Variants in CXCL13 observed in about 807,000 individuals in gnomAD.
CXCL13 encodes C-X-C motif chemokine ligand 13.
Under a neutral mutation model 12.2 loss-of-function variants are expected in CXCL13, and 7 were observed. That is an observed-to-expected ratio of 0.57 (90% CI 0.33 to 1.07). The LOEUF (loss-of-function observed/expected upper bound fraction) is 1.07. CXCL13 is among the 50% of genes least tolerant of loss of function. The pLI is 0.04. For synonymous variants in CXCL13, 47 were observed against 42.4 expected (o/e 1.11, Z -0.42); for missense variants, 113 against 127.4 (o/e 0.89, Z 0.55).
At chr4:77,600,884 C>A (rs890997794), upstream of CXCL13, among the ~76,000 whole-genome samples, 5 of 152,132 alleles carry the variant, frequency 3.3e-5, no homozygotes, top group East Asian at 5.8e-4. Context: ...ATGAATATTT[C>A]AGCCTAATCA....
chr4:77,608,708 A>G (rs1440079924), intron 2 of CXCL13, among the ~76,000 whole-genome samples: 7 of 152,210 alleles, frequency 4.6e-5, no homozygotes, highest in African/African-American at 1.7e-4. Flanking sequence ...TCAAAAGTGC[A>G]TATGGTAGTT....
At chr4:77,553,777 G>A (rs1725590019) in intron 1 of CXCL13, among the ~76,000 whole-genome samples, 1 of 152,050 alleles carries the variant, frequency 6.6e-6, no homozygotes, top group African/African-American at 2.4e-5. Context: ...GAGTGGATGA[G>A]GCATGCTGAA....
At position 77,594,644 on chromosome 4, in the gene CXCL13, G is replaced by C. The variant is rs955365242; in HGVS notation, c.-42-11180G>C. Among the ~76,000 whole-genome samples the C allele has an allele frequency of 6.6e-5, 10 of 152,286 alleles. No individual in the cohort carries two copies. In the East Asian group the frequency reaches 1.9e-3, roughly 29 times the overall value. On this transcript the variant is annotated intron_variant, in intron 1 of 4. Transcript: ENST00000286758. The stretch of plus-strand genomic sequence containing the variant: ...TACTGATGCCAGTGAGGGCCATGGG[G>C]CTCATCTTTCCCAGGTCCACATTCA...
chr4:77,568,346 A>G (rs147239914), intron 1 of CXCL13, among the ~76,000 whole-genome samples: 309 of 152,314 alleles, frequency 2.0e-3, no homozygotes, highest in Admixed American at 3.4e-3. Flanking sequence ...TGGGTGCCCC[A>G]TAGCAGCACA....
At chr4:77,540,744 T>G (rs1725189239) in intron 1 of CXCL13, among the ~76,000 whole-genome samples, 1 of 152,190 alleles carries the variant, frequency 6.6e-6, no homozygotes, top group South Asian at 2.1e-4. Flanking sequence ...TGCGTGTGGT[T>G]TTTTGGTATA....
At chr4:77,591,035 C>T (rs1726593752) in intron 1 of CXCL13, among the ~76,000 whole-genome samples, 1 of 152,170 alleles carries the variant, frequency 6.6e-6, no homozygotes, top group Admixed American at 6.5e-5. Flanking sequence ...ATGCACTCCA[C>T]ACCCAGATAA....
chr4:77,528,585 A>G (rs1383580846), intron 1 of CXCL13, among the ~76,000 whole-genome samples: 1 of 152,208 alleles, frequency 6.6e-6, no homozygotes, highest in East Asian at 1.9e-4. Flanking sequence ...TCTTTTGAGA[A>G]GTGTCTGTTC....
chr4:77,512,517 G>A (rs2110075652), intron 1 of CXCL13, among the ~76,000 whole-genome samples: 1 of 152,218 alleles, frequency 6.6e-6, no homozygotes, highest in African/African-American at 2.4e-5. Context: ...TCTTTGGCTT[G>A]TAAATGGCTG....
At chr4:77,563,113 T>C (rs929842282) in intron 1 of CXCL13, among the ~76,000 whole-genome samples, 13 of 152,242 alleles carry the variant, frequency 8.5e-5, no homozygotes, top group African/African-American at 2.9e-4. Context: ...CCAGTGAGAC[T>C]AGAAACCCAC....
intron 1 of CXCL13, among the ~76,000 whole-genome samples, chr4:77,521,960 G>A (rs922791900): frequency 4.6e-5 from 7 of 152,006 alleles, no homozygotes; most frequent in Non-Finnish European, 8.8e-5. Context: ...CCTTCATTTT[G>A]TTATTTACCC....
chr4:77,558,263 G>A (rs917698616), intron 1 of CXCL13, among the ~76,000 whole-genome samples: 2 of 152,250 alleles, frequency 1.3e-5, no homozygotes, highest in African/African-American at 4.8e-5. Flanking sequence ...CCTTGATCCT[G>A]AGATGGGCAC....
At chr4:77,544,493 A>G (rs1043352726) in intron 1 of CXCL13, among the ~76,000 whole-genome samples, 4 of 152,106 alleles carry the variant, frequency 2.6e-5, no homozygotes, top group South Asian at 2.1e-4. Flanking sequence ...TTCTCTGATG[A>G]CCAGTGATGA....
At chr4:77,578,606 G>A (rs1452793331) in intron 1 of CXCL13, among the ~76,000 whole-genome samples, 2 of 152,084 alleles carry the variant, frequency 1.3e-5, no homozygotes, top group Non-Finnish European at 2.9e-5. Context: ...GTGGTGGCCT[G>A]GAATCAATCT....
intron 1 of CXCL13, among the ~76,000 whole-genome samples, chr4:77,514,486 A>G (rs1243365135): frequency 3.5e-5 from 5 of 144,794 alleles, no homozygotes; most frequent in African/African-American, 1.3e-4. Flanking sequence ...TGACTTTTTA[A>G]TGATTGCCAT....
rs1437220965 is a variant in CXCL13, at chr4:77,571,688, TG to T, written c.-42-34132del. Among the ~76,000 whole-genome samples, 6 of 151,854 alleles carry T rather than the reference TG, an allele frequency of 4.0e-5. No individual in the cohort carries two copies. The East Asian group carries it at 1.2e-3, about 29-fold the overall frequency. On this transcript the variant is annotated intron_variant, in intron 1 of 4. Transcript: ENST00000286758. ...GCTCTACCAATCAGCAGGATGTGGG[TG>T]GGGCCAGATAAGAGAATAAAAGCAG...
At chr4:77,534,518 G>A (rs899512214) in intron 1 of CXCL13, among the ~76,000 whole-genome samples, 2 of 152,222 alleles carry the variant, frequency 1.3e-5, no homozygotes, top group East Asian at 1.9e-4. Flanking sequence ...TTCCACTTAT[G>A]TGTCATTGGG....
At position 77,611,068 on chromosome 4, in the gene CXCL13, A is replaced by G; in HGVS notation, c.*29A>G. 2 of 1,571,256 alleles carry G rather than the reference A, an allele frequency of 1.3e-6. No individual in the cohort carries two copies. Among genetic ancestry groups the G allele is most frequent in the African/African-American group, 2.7e-5 (2 of 74,194 alleles). On this transcript the variant is annotated 3_prime_UTR_variant, in exon 4 of 4. Coordinates refer to ENST00000682537, the MANE Select transcript of CXCL13 (RefSeq NM_001371558.1). Reference sequence around the variant, plus strand: ...TGATATTTCCACTAAGAACACCTGCATTCTTCCCTTATCCCTGCTCTGGAT... The same window carrying G: ...TGATATTTCCACTAAGAACACCTGCGTTCTTCCCTTATCCCTGCTCTGGAT...
intron 1 of CXCL13, among the ~76,000 whole-genome samples, chr4:77,529,903 G>A (rs949448755): frequency 2.0e-5 from 3 of 152,176 alleles, no homozygotes; most frequent in African/African-American, 7.2e-5. Flanking sequence ...TATGATATTG[G>A]TTGTGAGTTT....
intron 2 of CXCL13, 23 bp downstream of exon 2, chr4:77,607,858 A>G (rs1372350969): frequency 1.2e-6 from 2 of 1,610,642 alleles, no homozygotes; most frequent in Non-Finnish European, 1.7e-6. Context: ...AGAAAAATAA[A>G]TAAGATTTCC....
Sources: allele counts gnomAD v4.1 joint callset (sites outside exome capture counted in the v4.1 genomes callset), GRCh38; gene constraint gnomAD v4.1.1; transcripts MANE v1.5; gene names NCBI Gene and HGNC (gene_info 2026-07-23, HGNC 2026-07-21).